The following FIBCD1 variants were observed in gnomAD, a reference collection of about 807,000 sequenced individuals.
The protein encoded by FIBCD1 is fibrinogen C domain-containing protein 1.
Under a neutral mutation model 45.1 loss-of-function variants are expected in FIBCD1, and 47 were observed. The ratio of observed to expected loss-of-function variants is 1.04; its 90% confidence interval spans 0.82 to 1.33. The LOEUF (loss-of-function observed/expected upper bound fraction) is 1.33. Ranked by LOEUF, FIBCD1 falls within the 40% of genes most tolerant of loss-of-function variation. FIBCD1 has a pLI of 0.00. For missense variants in FIBCD1, 653 were observed against 682.2 expected (o/e 0.96, Z 0.48); for synonymous variants, 313 against 308.1 (o/e 1.02, Z -0.17).
At position 130,911,836 on chromosome 9, in the gene FIBCD1, G is replaced by A. The variant is rs766443740; in HGVS notation, c.902C>T (p.Ala301Val). 1.6e-5 allele frequency: 26 copies of A among 1,604,328 alleles called. No individual in the cohort carries two copies. Among genetic ancestry groups the A allele is most frequent in the Admixed American group, 6.8e-5 (4 of 59,214 alleles). ...GAGCCTGCCAAAGCCGTCTCGGTAC[G>A]CATCCCAGCCCCGGAAGAAGTTCAC... ...GSVNFFRGWD[A>V]YRDGFGRLTG... Residue 301 changes from alanine (A) to valine (V), a missense_variant, in exon 5 of 7, where the codon GCG becomes GTG. Transcript: ENST00000372338.
chr9:130,918,139 G>C (rs775484664), intron 4 of FIBCD1, among the ~76,000 whole-genome samples: 6 of 152,240 alleles, frequency 3.9e-5, no homozygotes, highest in Non-Finnish European at 5.9e-5. Context: ...TTCCTCATCT[G>C]TAAAGCTAGG....
intron 5 of FIBCD1, among the ~76,000 whole-genome samples, chr9:130,910,844 C>T (rs1344891631): frequency 6.6e-6 from 1 of 151,960 alleles, no homozygotes; most frequent in African/African-American, 2.4e-5. Context: ...GTGAGTGCAC[C>T]AATCAACACA....
intron 1 of FIBCD1, among the ~76,000 whole-genome samples, chr9:130,936,749 G>C (rs1450656909): frequency 2.6e-5 from 4 of 152,366 alleles, no homozygotes; most frequent in African/African-American, 7.2e-5. Flanking sequence ...GGAAAGAATG[G>C]AGCTTGGGCC....
At chr9:130,919,931 C>T (rs1341852411) in intron 4 of FIBCD1, among the ~76,000 whole-genome samples, 1 of 143,532 alleles carries the variant, frequency 7.0e-6, no homozygotes, top group Non-Finnish European at 1.5e-5. Context: ...CAGCACTGCC[C>T]CCGGCAGATT....
chr9:130,928,214 G>T (rs971839594), intron 2 of FIBCD1, among the ~76,000 whole-genome samples: 2 of 152,180 alleles, frequency 1.3e-5, no homozygotes, highest in Non-Finnish European at 2.9e-5. Context: ...GGCACTCCTG[G>T]GCCCAGAAAG....
At chr9:130,916,208 C>T (rs1025235744) in intron 4 of FIBCD1, among the ~76,000 whole-genome samples, 23 of 152,212 alleles carry the variant, frequency 1.5e-4, no homozygotes, top group South Asian at 2.1e-4. Context: ...GGATTATAGG[C>T]GTGAGCCACC....
At chr9:130,919,635 G>T (rs565590374) in intron 4 of FIBCD1, among the ~76,000 whole-genome samples, 1 of 152,296 alleles carries the variant, frequency 6.6e-6, no homozygotes, top group East Asian at 1.9e-4. Flanking sequence ...GGGGGGATGT[G>T]GGGGCTCCTT....
intron 1 of FIBCD1, among the ~76,000 whole-genome samples, chr9:130,935,969 G>C (rs950166469): frequency 2.6e-5 from 4 of 152,222 alleles, no homozygotes; most frequent in Non-Finnish European, 5.9e-5. Context: ...GTAGGAACCA[G>C]ATGTTCAGAT....
At position 130,917,825 on chromosome 9, in the gene FIBCD1, A is replaced by G. The variant is rs188235414; in HGVS notation, c.849+5919T>C. On this transcript the variant is annotated intron_variant, in intron 4 of 6. Coordinates refer to ENST00000372338, the MANE Select transcript of FIBCD1 (RefSeq NM_032843.5). ...AGACTGAGGCTTGGAGGAGTGGGCA[A>G]CCCAGGTGCGCAGGGCTGAGATGGC... Among the ~76,000 whole-genome samples, 478 of 152,220 alleles carry G rather than the reference A, an allele frequency of 3.1e-3. 5 individuals carry two copies. The highest frequency in any genetic ancestry group is 0.031 in the Middle Eastern group (9 of 294).
At chr9:130,927,729 C>A (rs1452437843) in intron 2 of FIBCD1, among the ~76,000 whole-genome samples, 1 of 152,184 alleles carries the variant, frequency 6.6e-6, no homozygotes, top group Non-Finnish European at 1.5e-5. Flanking sequence ...AGTGCAGTGG[C>A]GTGATCTCGG....
At position 130,924,406 on chromosome 9, in the gene FIBCD1, A is replaced by G; in HGVS notation, c.553-10T>C. 4 of 1,602,916 alleles carry G rather than the reference A, an allele frequency of 2.5e-6. No individual in the cohort carries two copies. Among genetic ancestry groups the G allele is most frequent in the Non-Finnish European group, 3.4e-6 (4 of 1,176,034 alleles). On this transcript the variant is annotated splice_polypyrimidine_tract_variant and intron_variant, in intron 2 of 6. Transcript: ENST00000372338. ...GGCTCTCAGAGAGAAGCTGCGGAGCACAGGGGGTGAGCCGAGGGGGCAGGG... is the reference window on the plus strand; with the variant it reads ...GGCTCTCAGAGAGAAGCTGCGGAGCGCAGGGGGTGAGCCGAGGGGGCAGGG...
intron 1 of FIBCD1, chr9:130,930,796 C>T (rs771414047): frequency 2.2e-6 from 1 of 456,132 alleles, no homozygotes; most frequent in Non-Finnish European, 4.4e-6. Context: ...AGTTTCCTCG[C>T]CTGTAAAACA....
At chr9:130,938,406 C>CCCGGG in intron 1 of FIBCD1, 130 bp downstream of exon 1, 1 of 738,698 alleles carries the variant, frequency 1.4e-6, no homozygotes, top group African/African-American at 1.9e-5. Context: ...CCCATCCCGG[C>CCCGGG]CCGGGCCTCC....
intron 4 of FIBCD1, among the ~76,000 whole-genome samples, chr9:130,915,560 G>A (rs530329514): frequency 1.1e-4 from 16 of 152,198 alleles, no homozygotes; most frequent in South Asian, 4.2e-4. Flanking sequence ...AAAATTAGCC[G>A]GGCATAGTGG....
chr9:130,933,072 A>T (rs986638255), intron 1 of FIBCD1, among the ~76,000 whole-genome samples: 1 of 152,204 alleles, frequency 6.6e-6, no homozygotes, highest in African/African-American at 2.4e-5. Context: ...GTGGGAAGGC[A>T]GAGGGCACCG....
At chr9:130,938,475 G>A in intron 1 of FIBCD1, 61 bp downstream of exon 1, 2 of 1,376,172 alleles carry the variant, frequency 1.5e-6, no homozygotes, top group Admixed American at 3.1e-5. Flanking sequence ...TCGCCCCGCC[G>A]GCCCGAGCGG....
rs373150753 is a variant in FIBCD1 at position 130,911,911 on chromosome 9, G to A, written c.850-23C>T. The A allele has an allele frequency of 1.6e-5, 25 of 1,553,878 alleles. No homozygotes were observed. The African/African-American group carries it at 2.5e-4, about 15-fold the overall frequency. On this transcript the variant is annotated intron_variant, in intron 4 of 6. Coordinates refer to ENST00000372338, the MANE Select transcript of FIBCD1 (RefSeq NM_032843.5). ...CACCTGCAAAGGGAAGATGGGGATG[G>A]GGCGTTGGCACCGACCATCCCAGGA...
In FIBCD1 at chr9:130,926,813, A is replaced by G. The variant is rs1832370329; in HGVS notation, c.553-2417T>C. Among the ~76,000 whole-genome samples, 1 of 152,148 alleles carries G rather than the reference A, an allele frequency of 6.6e-6. No individual in the cohort carries two copies. Among genetic ancestry groups the G allele is most frequent in the African/African-American group, 2.4e-5 (1 of 41,434 alleles). On this transcript the variant is annotated intron_variant, in intron 2 of 6. Coordinates refer to ENST00000372338, the MANE Select transcript of FIBCD1 (RefSeq NM_032843.5). This position sits in a 1 kb window ranked among gnomAD's most constrained non-coding sequence, Gnocchi z 4.1. ...CTCCAGCTGGGTGACAGAGCGAGACAACCGTGTCTCAAAAAATAAATAAAT... is the reference window on the plus strand; with the variant it reads ...CTCCAGCTGGGTGACAGAGCGAGACGACCGTGTCTCAAAAAATAAATAAAT...
At chr9:130,940,134 C>T (rs1832597750), upstream of FIBCD1, among the ~76,000 whole-genome samples, 1 of 152,250 alleles carries the variant, frequency 6.6e-6, no homozygotes, top group Admixed American at 6.5e-5. Flanking sequence ...CCATCTTCGT[C>T]CCTCTCCCGA....
Sources: gnomAD v4.1 joint callset for allele counts (sites outside exome capture counted in the v4.1 genomes callset) on GRCh38, gnomAD v4.1.1 for gene constraint, Gnocchi (gnomAD v3.1) non-coding constraint, MANE v1.5 for transcripts, NCBI Gene and HGNC (gene_info 2026-07-23, HGNC 2026-07-21) for gene names.